The following NARS2 variants were observed in gnomAD, a reference collection of about 807,000 sequenced individuals.
NARS2 encodes asparaginyl-tRNA synthetase.
Under a neutral mutation model 62.9 loss-of-function variants are expected in NARS2, and 60 were observed. That is an observed-to-expected ratio of 0.95 (90% CI 0.77 to 1.18). The LOEUF is 1.18. Among genes scored for constraint, NARS2 ranks in the 50% most tolerant of loss-of-function variants. NARS2 has a pLI of 0.00. For synonymous variants in NARS2, 196 were observed against 200.0 expected, an observed-to-expected ratio of 0.98 and a Z score of 0.17; for missense variants, 619 against 576.4, an observed-to-expected ratio of 1.07 and a Z score of -0.76.
intron 11 of NARS2, among the ~76,000 whole-genome samples, chr11:78,454,141 A>G (rs1565208041): frequency 6.6e-6 from 1 of 152,338 alleles, no homozygotes; most frequent in East Asian, 1.9e-4. Context: ...ACATTTCAGT[A>G]AACGGCACCA....
At chr11:78,532,967 C>T (rs1356429510) in intron 5 of NARS2, among the ~76,000 whole-genome samples, 1 of 152,180 alleles carries the variant, frequency 6.6e-6, no homozygotes, top group Admixed American at 6.5e-5. Context: ...GACCCAACTA[C>T]TCTGGAGTCT....
intron 11 of NARS2, among the ~76,000 whole-genome samples, chr11:78,463,817 C>A (rs914644811): frequency 1.3e-5 from 2 of 149,360 alleles, no homozygotes; most frequent in Non-Finnish European, 2.9e-5. Context: ...AGAGCTGAGA[C>A]AGGGAAAATC....
intron 2 of NARS2, 74 bp downstream of exon 2, chr11:78,571,261 C>T (rs1038588108): frequency 2.6e-5 from 23 of 886,688 alleles, no homozygotes; most frequent in Non-Finnish European, 3.9e-5. Context: ...AACGTAAACA[C>T]TGGAGTAGGG....
intron 13 of NARS2, among the ~76,000 whole-genome samples, chr11:78,439,345 T>C (rs1857506061): frequency 6.6e-6 from 1 of 152,108 alleles, no homozygotes; most frequent in African/African-American, 2.4e-5. Context: ...ACGGTGGCTT[T>C]GGCTTTTTTT....
chr11:78,506,518 C>T (rs545353773), intron 6 of NARS2, among the ~76,000 whole-genome samples: 2 of 152,084 alleles, frequency 1.3e-5, no homozygotes, highest in East Asian at 3.9e-4. Context: ...GACAAGTGCA[C>T]TAGTAGTATT....
chr11:78,493,216 A>G (rs374231787), intron 6 of NARS2, 21 bp from the exon 7 acceptor site: 46 of 1,601,986 alleles, frequency 2.9e-5, no homozygotes, highest in Admixed American at 1.8e-4. Flanking sequence ...AGATTAAGAG[A>G]ATGCAAATAG....
Position 78,436,761 on chromosome 11 carries a change from C to G in NARS2, c.1343G>C (p.Gly448Ala). 6.2e-7 allele frequency: 1 copy of G among 1,614,186 alleles called. No individual in the cohort carries two copies. Among genetic ancestry groups the G allele is most frequent in the Non-Finnish European group, 8.5e-7 (1 of 1,180,026 alleles). The stretch of plus-strand genomic sequence containing the variant: ...GATGCACTGCAGGTAGCGTTCAAAT[C>G]CCATCCCAAAACCTCCATGTGGCAC... ...GSVPHGGFGMGFERYLQCILG... is the reference protein window; with the variant it reads ...GSVPHGGFGMAFERYLQCILG... The change falls in exon 14 of 14, where the codon GGA becomes GCA. Residue 448 changes from glycine to alanine, a missense_variant. By Grantham distance (60) the Gly-to-Ala change is moderately conservative. Coordinates refer to ENST00000281038, the MANE Select transcript of NARS2 (RefSeq NM_024678.6).
At chr11:78,485,380 T>C (rs1175709013) in intron 7 of NARS2, among the ~76,000 whole-genome samples, 1 of 151,922 alleles carries the variant, frequency 6.6e-6, no homozygotes, top group African/African-American at 2.4e-5. Context: ...TCTGCACATG[T>C]ATCCCAGAAC....
intron 6 of NARS2, among the ~76,000 whole-genome samples, chr11:78,516,966 A>ATGG (rs1860935624): frequency 1.3e-5 from 2 of 152,194 alleles, no homozygotes; most frequent in Admixed American, 1.3e-4. Context: ...GGAGGAGGTG[A>ATGG]TGGTGGTGGT....
intron 6 of NARS2, among the ~76,000 whole-genome samples, chr11:78,506,368 C>A (rs1860498718): frequency 1.3e-5 from 2 of 152,176 alleles, no homozygotes; most frequent in South Asian, 4.1e-4. Context: ...CACACAGACT[C>A]CTGCATGAAT....
In NARS2 at chr11:78,559,486, A is replaced by G. The variant is rs993486156; in HGVS notation, c.594+53T>C. The G allele has an allele frequency of 4.5e-5, 52 of 1,162,988 alleles. No homozygotes were observed. In the African/African-American group the frequency reaches 7.3e-4, roughly 16 times the overall value. 72.0% of individuals were successfully genotyped at this position (1,162,988 alleles called of 1,614,324 possible). On this transcript the variant is annotated intron_variant, in intron 5 of 13. Coordinates refer to ENST00000281038, the MANE Select transcript of NARS2 (RefSeq NM_024678.6). ...ACTATTATTAAATTTCAAACCCTCA[A>G]ATGAAAAATATTAAACAGCAATGTA...
At chr11:78,488,910 G>A (rs577022453) in intron 7 of NARS2, among the ~76,000 whole-genome samples, 15 of 152,106 alleles carry the variant, frequency 9.9e-5, no homozygotes, top group Non-Finnish European at 1.9e-4. Context: ...AGGTAGAAAG[G>A]AAAGGGGAAA....
chr11:78,565,846 C>T (rs1856725133), intron 4 of NARS2, among the ~76,000 whole-genome samples: 1 of 152,192 alleles, frequency 6.6e-6, no homozygotes, highest in African/African-American at 2.4e-5. Flanking sequence ...AGACTGAGCA[C>T]TGCTACAGAC....
chr11:78,445,965 A>AT (rs974499817), intron 11 of NARS2, among the ~76,000 whole-genome samples: 12 of 151,932 alleles, frequency 7.9e-5, no homozygotes, highest in African/African-American at 2.7e-4. Context: ...GTCTCAAAAA[A>AT]ATATATATAT....
At chr11:78,465,070 T>TGGGGAG (rs1858561332) in intron 11 of NARS2, among the ~76,000 whole-genome samples, 2 of 151,748 alleles carry the variant, frequency 1.3e-5, no homozygotes, top group Non-Finnish European at 2.9e-5. Flanking sequence ...CACGGAGGGG[T>TGGGGAG]GGGGAGGCTC....
At chr11:78,537,696 G>A (rs1855414207) in intron 5 of NARS2, among the ~76,000 whole-genome samples, 1 of 152,224 alleles carries the variant, frequency 6.6e-6, no homozygotes, top group South Asian at 2.1e-4. Flanking sequence ...AGCTACTGAG[G>A]AGGCTGAGGA....
chr11:78,467,281 G>A (rs1442592996), intron 10 of NARS2, among the ~76,000 whole-genome samples: 1 of 152,170 alleles, frequency 6.6e-6, no homozygotes, highest in African/African-American at 2.4e-5. Context: ...AGGCATGGTG[G>A]CTCATGCCTT....
intron 11 of NARS2, among the ~76,000 whole-genome samples, chr11:78,463,324 T>G (rs373458598): frequency 6.6e-6 from 1 of 152,206 alleles, no homozygotes; most frequent in Non-Finnish European, 1.5e-5. Context: ...ACTACCAAAG[T>G]GCTAGGATTA....
chr11:78,487,068 A>T (rs1316541867), intron 7 of NARS2, among the ~76,000 whole-genome samples: 1 of 152,102 alleles, frequency 6.6e-6, no homozygotes, highest in Non-Finnish European at 1.5e-5. Flanking sequence ...AGAAAGAAAA[A>T]ATACTAGCCA....
Sources: gnomAD v4.1 joint callset for allele counts (sites outside exome capture counted in the v4.1 genomes callset) on GRCh38, gnomAD v4.1.1 for gene constraint, MANE v1.5 for transcripts, NCBI Gene and HGNC (gene_info 2026-07-23, HGNC 2026-07-21) for gene names.